Variants in AGBL4 observed in about 807,000 individuals in gnomAD.
The protein encoded by AGBL4 is cytosolic carboxypeptidase 6.
In AGBL4, 58 loss-of-function variants were observed where a neutral mutation model predicts 66.4. The observed-to-expected ratio is 0.87, with a 90% confidence interval of 0.71 to 1.09. The LOEUF (loss-of-function observed/expected upper bound fraction) is 1.09, where lower values mean the gene tolerates loss of function less well. Among genes scored for constraint, AGBL4 ranks in the 50% least tolerant of loss-of-function variants. The probability of loss-of-function intolerance (pLI) is 0.00; values close to 1 mark genes in which losing one functional copy is unlikely to be tolerated. For missense variants in AGBL4, 579 were observed against 631.0 expected, an observed-to-expected ratio of 0.92 and a Z score of 0.88; for synonymous variants, 234 against 222.9, an observed-to-expected ratio of 1.05 and a Z score of -0.44.
intron 2 of AGBL4, among the ~76,000 whole-genome samples, chr1:49,748,478 C>G (rs1169575638): frequency 6.6e-6 from 1 of 152,156 alleles, no homozygotes. Context: ...CATGCATGTG[C>G]ATGTGGCTTT....
intron 5 of AGBL4, among the ~76,000 whole-genome samples, chr1:48,965,018 T>C (rs1377660397): frequency 3.3e-5 from 5 of 152,214 alleles, no homozygotes; most frequent in Non-Finnish European, 1.5e-5. Flanking sequence ...GATCCTCAGT[T>C]TGCTGCTAGC....
intron 5 of AGBL4, among the ~76,000 whole-genome samples, chr1:48,948,814 G>A (rs1238916847): frequency 1.3e-5 from 2 of 152,068 alleles, no homozygotes; most frequent in African/African-American, 2.4e-5. Context: ...CTAAAGAAAT[G>A]GAAGGCATTG....
chr1:49,052,658 A>G (rs1033442651), intron 4 of AGBL4, among the ~76,000 whole-genome samples: 5 of 152,144 alleles, frequency 3.3e-5, no homozygotes, highest in Non-Finnish European at 7.4e-5. Flanking sequence ...TCAGGTTTGC[A>G]CTGAAGTTTT....
At chr1:49,166,705 C>T (rs1248198850) in intron 4 of AGBL4, among the ~76,000 whole-genome samples, 2 of 152,056 alleles carry the variant, frequency 1.3e-5, no homozygotes, top group Admixed American at 6.6e-5. Flanking sequence ...CTCACATTTC[C>T]AAATATATCA....
chr1:48,653,325 C>T lies in AGBL4; in HGVS notation c.839+12G>A, dbSNP rs747642700. ...AAGTACTTGCTTCCAAGCATTCTCC[C>T]CAATTCCTTACCTGTAATTGCCCAG... On this transcript the variant is annotated intron_variant, in intron 8 of 13. Transcript: ENST00000371839. 3 of 1,549,830 alleles carry T rather than the reference C, an allele frequency of 1.9e-6. No homozygotes were observed. The South Asian group carries it at 3.6e-5, about 19-fold the overall frequency.
chr1:49,181,879 T>C (rs1180397085), intron 4 of AGBL4, among the ~76,000 whole-genome samples: 1 of 152,186 alleles, frequency 6.6e-6, no homozygotes, highest in African/African-American at 2.4e-5. Context: ...GGGAGAGAAC[T>C]GCACAAAAGA....
intron 5 of AGBL4, among the ~76,000 whole-genome samples, chr1:48,964,953 C>T (rs1461185597): frequency 1.3e-5 from 2 of 152,058 alleles, no homozygotes. Flanking sequence ...GGGTTTGAAC[C>T]CAAGTTGTTG....
rs1417131460 is a variant in AGBL4, at chr1:48,762,751, T to A, written c.635-99510A>T. Among the ~76,000 whole-genome samples the A allele has an allele frequency of 2.0e-5, 3 of 152,088 alleles. No individual in the cohort carries two copies. In the East Asian group the frequency reaches 5.8e-4, roughly 29 times the overall value. On this transcript the variant is annotated intron_variant, in intron 6 of 13. Coordinates refer to ENST00000371839, the MANE Select transcript of AGBL4 (RefSeq NM_032785.4). ...TTAGTAAAGCTGAGAATGCAGCTTATAAGCACATAACTATTCCAGAATGTA... is the reference window on the plus strand; with the variant it reads ...TTAGTAAAGCTGAGAATGCAGCTTAAAAGCACATAACTATTCCAGAATGTA...
intron 2 of AGBL4, among the ~76,000 whole-genome samples, chr1:49,740,427 G>A (rs180704873): frequency 6.6e-6 from 1 of 152,030 alleles, no homozygotes; most frequent in Admixed American, 6.6e-5. Context: ...ACAAAGAGAC[G>A]TAGACTCCCA....
intron 3 of AGBL4, among the ~76,000 whole-genome samples, chr1:49,418,811 T>A (rs542693327): frequency 6.6e-6 from 1 of 152,346 alleles, no homozygotes; most frequent in South Asian, 2.1e-4. Flanking sequence ...ATTAACGGCA[T>A]GGTAGGCCTT....
chr1:49,457,993 T>G (rs1646428396), intron 3 of AGBL4, among the ~76,000 whole-genome samples: 1 of 151,920 alleles, frequency 6.6e-6, no homozygotes, highest in Admixed American at 6.6e-5. Context: ...TCAGGTAAAG[T>G]GATGCCTCCA....
At chr1:48,795,390 C>T (rs181222920) in intron 6 of AGBL4, among the ~76,000 whole-genome samples, 1 of 151,972 alleles carries the variant, frequency 6.6e-6, no homozygotes, top group African/African-American at 2.4e-5. Flanking sequence ...TCTTTTTCCT[C>T]CCCCTCCCCC....
intron 9 of AGBL4, 73 bp from the exon 10 acceptor site, chr1:48,591,058 TACAC>T: frequency 2.2e-5 from 27 of 1,246,558 alleles, no homozygotes; most frequent in Non-Finnish European, 2.7e-5. Flanking sequence ...GACACTACAC[TACAC>T]ACACACACCC....
In AGBL4 at chr1:49,357,624, T is replaced by C. The variant is rs376848320; in HGVS notation, c.283-111760A>G. Among the ~76,000 whole-genome samples, 3 of 152,186 alleles carry C rather than the reference T, an allele frequency of 2.0e-5. No individual in the cohort carries two copies. The East Asian group carries it at 5.8e-4, about 29-fold the overall frequency. ...CTATCCTAGGAGGCAGGCATTATAATCCCTGTTTTACTGAAGGAAAAACTG... is the reference window on the plus strand; with the variant it reads ...CTATCCTAGGAGGCAGGCATTATAACCCCTGTTTTACTGAAGGAAAAACTG... On this transcript the variant is annotated intron_variant, in intron 3 of 13. Transcript: ENST00000371839.
chr1:48,948,768 G>C (rs555233312), intron 5 of AGBL4, among the ~76,000 whole-genome samples: 3 of 152,026 alleles, frequency 2.0e-5, no homozygotes, highest in Non-Finnish European at 2.9e-5. Context: ...TTGACACTTA[G>C]TATGTACAAA....
chr1:49,160,707 C>T (rs1646524019), intron 4 of AGBL4, among the ~76,000 whole-genome samples: 1 of 152,186 alleles, frequency 6.6e-6, no homozygotes, highest in Non-Finnish European at 1.5e-5. Context: ...ATCTATAAGC[C>T]CCTGACTGGG....
chr1:49,129,157 A>G (rs1645829831), intron 4 of AGBL4, among the ~76,000 whole-genome samples: 1 of 152,034 alleles, frequency 6.6e-6, no homozygotes, highest in Admixed American at 6.6e-5. Context: ...ATTGAATACT[A>G]CTACATACCC....
intron 3 of AGBL4, among the ~76,000 whole-genome samples, chr1:49,623,536 T>G (rs1645407082): frequency 6.6e-6 from 1 of 152,156 alleles, no homozygotes; most frequent in Admixed American, 6.5e-5. Context: ...TTTTAAACAT[T>G]AATAGTACTA....
intron 3 of AGBL4, among the ~76,000 whole-genome samples, chr1:49,488,509 C>A (rs575614767): frequency 6.6e-6 from 1 of 151,586 alleles, no homozygotes; most frequent in Middle Eastern, 3.4e-3. Context: ...GTGGGTTATC[C>A]ATCACCTCAA....
Sources: gnomAD v4.1 joint callset for allele counts (sites outside exome capture counted in the v4.1 genomes callset) on GRCh38, gnomAD v4.1.1 for gene constraint, MANE v1.5 for transcripts, NCBI Gene and HGNC (gene_info 2026-07-23, HGNC 2026-07-21) for gene names.